Variants in GRM5 observed in about 807,000 individuals in gnomAD.
GRM5 encodes metabotropic glutamate receptor 5.
Under a neutral mutation model 83.1 loss-of-function variants are expected in GRM5, and 19 were observed. The ratio of observed to expected loss-of-function variants is 0.23; its 90% CI spans 0.16 to 0.34. GRM5 has a LOEUF of 0.34. Ranked by LOEUF, GRM5 falls within the 10% of genes least tolerant of loss-of-function variation. The pLI, the probability that GRM5 is intolerant of heterozygous loss-of-function variation, is 1.00. For synonymous variants in GRM5, 675 were observed against 633.6 expected, an observed-to-expected ratio of 1.07 and a Z score of -0.98; for missense variants, 1,160 against 1,588.3, an observed-to-expected ratio of 0.73 and a Z score of 4.58.
intron 4 of GRM5, among the ~76,000 whole-genome samples, chr11:88,626,427 T>C (rs1220126491): frequency 2.0e-5 from 3 of 152,226 alleles, no homozygotes; most frequent in Admixed American, 2.0e-4. Flanking sequence ...CTCATAGAGA[T>C]TTCTGACTTG....
At chr11:88,600,566 C>T (rs1402770950) in intron 5 of GRM5, among the ~76,000 whole-genome samples, 1 of 151,434 alleles carries the variant, frequency 6.6e-6, no homozygotes, top group East Asian at 1.9e-4. Flanking sequence ...TCAAAATAAA[C>T]AAAATATGTT....
At chr11:88,754,432 A>G (rs919784164) in intron 3 of GRM5, among the ~76,000 whole-genome samples, 1 of 152,158 alleles carries the variant, frequency 6.6e-6, no homozygotes, top group Non-Finnish European at 1.5e-5. Flanking sequence ...TGAACTTAAA[A>G]TAAAAGTTGA....
chr11:88,862,202 T>G (rs1433363224), intron 2 of GRM5, among the ~76,000 whole-genome samples: 4 of 152,192 alleles, frequency 2.6e-5, no homozygotes, highest in Non-Finnish European at 4.4e-5. Flanking sequence ...TTTGTTTGAT[T>G]TATCACTTAC....
intron 3 of GRM5, among the ~76,000 whole-genome samples, chr11:88,659,019 A>G (rs17881952): frequency 0.12 from 18,326 of 152,200 alleles, 1,458 homozygotes; most frequent in Non-Finnish European, 0.18. Flanking sequence ...GATGAAGGTT[A>G]GGGAATCAAG....
chr11:89,061,810 T>C (rs1053001591), intron 1 of GRM5, among the ~76,000 whole-genome samples: 2 of 152,222 alleles, frequency 1.3e-5, no homozygotes, highest in African/African-American at 4.8e-5. Flanking sequence ...AAGTGAACAT[T>C]GAAGAGTTTG....
In GRM5 at chr11:88,505,899, A is replaced by G. The variant is rs963940875; in HGVS notation, c.*2693T>C. On this transcript the variant is annotated 3_prime_UTR_variant, in exon 10 of 10. Transcript: ENST00000305447. ...GTTCATATCCTATAGCCCTAGAATG[A>G]ATATTCAGTTCTCTTTGTACTGTAG... 3.9e-5 allele frequency: 6 copies of G among 152,204 alleles called. No individual in the cohort carries two copies. The highest frequency in any genetic ancestry group is 3.9e-4 in the Admixed American group (6 of 15,282). The allele number at this position is 152,204 out of a possible 1,614,324, so 9.4% of individuals were successfully genotyped here. A position where few individuals can be genotyped will look rare whatever the true frequency, so the allele number is the denominator to read the frequency against.
chr11:88,911,252 A>G (rs1399992760), intron 2 of GRM5, among the ~76,000 whole-genome samples: 2 of 152,150 alleles, frequency 1.3e-5, no homozygotes, highest in African/African-American at 4.8e-5. Flanking sequence ...CTGGGCACTC[A>G]TAAGAGAACA....
chr11:88,823,533 A>AG (rs1203216687), intron 3 of GRM5, among the ~76,000 whole-genome samples: 1 of 151,842 alleles, frequency 6.6e-6, no homozygotes, highest in Non-Finnish European at 1.5e-5. Flanking sequence ...TTTCAAAAAA[A>AG]AAAAGACTAG....
chr11:88,750,426 T>G (rs1942244626), intron 3 of GRM5, among the ~76,000 whole-genome samples: 1 of 152,130 alleles, frequency 6.6e-6, no homozygotes, highest in African/African-American at 2.4e-5. Context: ...CAAGAGCACC[T>G]GGATTCATAA....
chr11:89,052,186 G>C (rs1002187253), intron 1 of GRM5, among the ~76,000 whole-genome samples: 11 of 152,218 alleles, frequency 7.2e-5, no homozygotes, highest in African/African-American at 2.4e-4. Flanking sequence ...AAACAGGAAA[G>C]TGAATATGTA....
intron 3 of GRM5, among the ~76,000 whole-genome samples, chr11:88,667,209 C>T (rs1940067047): frequency 6.6e-6 from 1 of 151,836 alleles, no homozygotes; most frequent in African/African-American, 2.4e-5. Context: ...CAGACTGAAA[C>T]ATGGAAAAAC....
intron 2 of GRM5, among the ~76,000 whole-genome samples, chr11:88,900,818 C>T (rs1945302008): frequency 6.6e-6 from 1 of 152,068 alleles, no homozygotes; most frequent in African/African-American, 2.4e-5. Flanking sequence ...ATCTGTCCCG[C>T]AGTACAGAGA....
intron 3 of GRM5, among the ~76,000 whole-genome samples, chr11:88,749,368 T>C (rs866657456): frequency 3.3e-5 from 5 of 152,124 alleles, no homozygotes; most frequent in African/African-American, 1.2e-4. Context: ...CTTTCTGAAA[T>C]TTGACAGACA....
chr11:88,773,861 A>C (rs1279072979), intron 3 of GRM5, among the ~76,000 whole-genome samples: 1 of 152,154 alleles, frequency 6.6e-6, no homozygotes, highest in Admixed American at 6.5e-5. Flanking sequence ...GTAGCCTTGT[A>C]ATATACTTTG....
intron 2 of GRM5, among the ~76,000 whole-genome samples, chr11:89,001,224 A>G (rs930416292): frequency 2.0e-5 from 3 of 152,084 alleles, no homozygotes; most frequent in African/African-American, 7.2e-5. Context: ...CTGGGCATTT[A>G]TCCTAGAGAA....
intron 2 of GRM5, among the ~76,000 whole-genome samples, chr11:88,909,740 T>C (rs1366019384): frequency 1.3e-5 from 2 of 152,186 alleles, no homozygotes; most frequent in African/African-American, 4.8e-5. Flanking sequence ...TAGCAGTGTC[T>C]AGCACAAATG....
chr11:88,968,908 C>G (rs192627255), intron 2 of GRM5, among the ~76,000 whole-genome samples: 53 of 152,070 alleles, frequency 3.5e-4, no homozygotes, highest in East Asian at 3.9e-4. Flanking sequence ...CTGTGGATAG[C>G]CAGGATCGGG....
intron 2 of GRM5, among the ~76,000 whole-genome samples, chr11:89,043,164 C>G (rs1405043864): frequency 1.3e-5 from 2 of 152,144 alleles, no homozygotes; most frequent in South Asian, 4.1e-4. Flanking sequence ...GAGCTACGTA[C>G]TTCACTAACA....
At chr11:88,752,291 C>T (rs1400630129) in intron 3 of GRM5, among the ~76,000 whole-genome samples, 1 of 152,104 alleles carries the variant, frequency 6.6e-6, no homozygotes, top group Non-Finnish European at 1.5e-5. Flanking sequence ...AAATTGCTAG[C>T]ATTCATATAT....
Sources: allele counts gnomAD v4.1 joint callset (sites outside exome capture counted in the v4.1 genomes callset), GRCh38; gene constraint gnomAD v4.1.1; transcripts MANE v1.5; gene names NCBI Gene and HGNC (gene_info 2026-07-23, HGNC 2026-07-21).